The following TCF4 variants were observed in gnomAD, a reference collection of about 807,000 sequenced individuals.
TCF4 encodes the protein transcription factor 4, also known as SL3-3 enhancer factor 2.
TCF4 carries 3 observed loss-of-function variants against 82.1 expected under a neutral mutation model. That is an observed-to-expected ratio of 0.04 (90% CI 0.02 to 0.09). The LOEUF (loss-of-function observed/expected upper bound fraction) is 0.09, where lower values mean the gene tolerates loss of function less well. Ranked by LOEUF, TCF4 falls within the 10% of genes least tolerant of loss-of-function variation. TCF4 has a pLI of 1.00. For synonymous variants in TCF4, 276 were observed against 309.6 expected (o/e 0.89, Z 1.14); for missense variants, 518 against 852.7 (o/e 0.61, Z 4.89).
intron 6 of TCF4, among the ~76,000 whole-genome samples, chr18:55,399,967 C>G (rs1197381635): frequency 6.7e-6 from 1 of 149,860 alleles, no homozygotes; most frequent in African/African-American, 2.5e-5. Context: ...TGGGCTATAT[C>G]CCAGAAAGAA....
At chr18:55,292,581 T>A (rs1057218162) in intron 8 of TCF4, among the ~76,000 whole-genome samples, 3 of 152,196 alleles carry the variant, frequency 2.0e-5, no homozygotes, top group Non-Finnish European at 4.4e-5. Context: ...GAATGTTTCC[T>A]ATTTTTCTTT....
intron 4 of TCF4, among the ~76,000 whole-genome samples, chr18:55,463,097 T>C (rs916282005): frequency 5.3e-5 from 8 of 152,068 alleles, no homozygotes; most frequent in East Asian, 1.9e-4. Flanking sequence ...GCTTCATCTA[T>C]ATATATATAG....
At chr18:55,321,381 C>A in intron 8 of TCF4, 3 of 402,440 alleles carry the variant, frequency 7.5e-6, no homozygotes, top group Non-Finnish European at 9.0e-6. Context: ...AAAATCATAC[C>A]ACCTCTCAAC....
chr18:55,388,671 A>G (rs1309131074), intron 6 of TCF4, among the ~76,000 whole-genome samples: 1 of 152,178 alleles, frequency 6.6e-6, no homozygotes, highest in African/African-American at 2.4e-5. Flanking sequence ...TTGCTATGAC[A>G]CAAAGCTACA....
chr18:55,280,319 T>A (rs2146285377), intron 8 of TCF4, among the ~76,000 whole-genome samples: 1 of 152,300 alleles, frequency 6.6e-6, no homozygotes, highest in East Asian at 1.9e-4. Context: ...CTTATTATAT[T>A]TGTGTGTACA....
intron 6 of TCF4, among the ~76,000 whole-genome samples, chr18:55,392,156 C>T (rs1042986855): frequency 2.0e-5 from 3 of 150,550 alleles, no homozygotes; most frequent in African/African-American, 7.3e-5. Context: ...GTAGAGATGG[C>T]ATTTCGCCAT....
intron 8 of TCF4, among the ~76,000 whole-genome samples, chr18:55,317,275 G>A (rs1332765156): frequency 6.6e-6 from 1 of 151,774 alleles, no homozygotes; most frequent in Non-Finnish European, 1.5e-5. Flanking sequence ...GAACCAGTGG[G>A]GAATTTAAAA....
At chr18:55,347,709 CCTGATGAT>C (rs1434781657) in intron 8 of TCF4, among the ~76,000 whole-genome samples, 1 of 152,116 alleles carries the variant, frequency 6.6e-6, no homozygotes, top group Non-Finnish European at 1.5e-5. Flanking sequence ...ACAAATAATA[CCTGATGAT>C]GCAGTGTCAC....
chr18:55,463,021 T>A (rs937651364), intron 4 of TCF4, among the ~76,000 whole-genome samples: 1 of 152,164 alleles, frequency 6.6e-6, no homozygotes, highest in African/African-American at 2.4e-5. Flanking sequence ...TATGCCAAAA[T>A]GGAACCTTCC....
intron 3 of TCF4, among the ~76,000 whole-genome samples, chr18:55,562,719 A>T (rs966614231): frequency 6.6e-6 from 1 of 152,222 alleles, no homozygotes; most frequent in African/African-American, 2.4e-5. Context: ...TACTAAATGT[A>T]CTTGTATATG....
At chr18:55,632,648 C>A (rs1279115092) in intron 1 of TCF4, among the ~76,000 whole-genome samples, 1 of 152,138 alleles carries the variant, frequency 6.6e-6, no homozygotes, top group African/African-American at 2.4e-5. Context: ...TCAGCAGATG[C>A]CAGAGACAAT....
In TCF4 at chr18:55,495,547, A is replaced by G. The variant is rs528472460; in HGVS notation, c.146-31410T>C. ...ATTCTGTTCTACAGTTTAGTTATTA[A>G]AAGAAAAATGTGAAGCTAAAAATTC... On this transcript the variant is annotated intron_variant, in intron 3 of 19. Coordinates refer to ENST00000354452, the MANE Select transcript of TCF4 (RefSeq NM_001083962.2). The G allele has an allele frequency of 2.6e-5, 4 of 152,308 alleles. No homozygotes were observed. In the East Asian group the frequency reaches 7.7e-4, roughly 29 times the overall value. The allele number at this position is 152,308 out of a possible 1,614,324, so 9.4% of individuals were successfully genotyped here.
upstream of TCF4, chr18:55,589,713 A>G: frequency 2.3e-5 from 24 of 1,028,818 alleles, no homozygotes; most frequent in Non-Finnish European, 2.8e-5. Context: ...CATCATCATC[A>G]CCATGGACTC....
chr18:55,421,029 A>G (rs951438180), intron 5 of TCF4, among the ~76,000 whole-genome samples: 1 of 152,174 alleles, frequency 6.6e-6, no homozygotes, highest in African/African-American at 2.4e-5. Flanking sequence ...CTTACAGGTG[A>G]AATTCTACCA....
At chr18:55,244,789 T>C (rs1039870562) in intron 15 of TCF4, among the ~76,000 whole-genome samples, 54 of 152,278 alleles carry the variant, frequency 3.5e-4, no homozygotes, top group African/African-American at 1.2e-3. Flanking sequence ...TACAGAAACA[T>C]TACCCAGAGA....
intron 8 of TCF4, among the ~76,000 whole-genome samples, chr18:55,293,825 G>T (rs981524250): frequency 6.7e-6 from 1 of 149,800 alleles, no homozygotes. Context: ...GTCCAAACAG[G>T]ATTGTGTACT....
At chr18:55,378,415 G>A (rs2145791235) in intron 6 of TCF4, among the ~76,000 whole-genome samples, 1 of 152,246 alleles carries the variant, frequency 6.6e-6, no homozygotes, top group South Asian at 2.1e-4. Context: ...TGTTAATGAA[G>A]AAGGTGCTCA....
rs75877888 is a variant in TCF4, at chr18:55,616,877, C to T, written c.286+14421G>A. On this transcript the variant is annotated intron_variant, in intron 2 of 20. Transcript: ENST00000398339. ...TATATGGTTTGCAGACATTTTATAC[C>T]ATTTGGTAGGTTGCTTTTTCATTTT... Among the ~76,000 whole-genome samples, 379 of 152,010 alleles carry T rather than the reference C, an allele frequency of 2.5e-3. 3 individuals carry two copies. The highest frequency in any genetic ancestry group is 8.8e-3 in the African/African-American group (364 of 41,494).
At chr18:55,607,664 G>C (rs1030424468) in intron 2 of TCF4, among the ~76,000 whole-genome samples, 1 of 152,144 alleles carries the variant, frequency 6.6e-6, no homozygotes, top group South Asian at 2.1e-4. Flanking sequence ...TTAAAAATCA[G>C]AATAACTATA....
Sources: gnomAD v4.1 joint callset for allele counts (sites outside exome capture counted in the v4.1 genomes callset) on GRCh38, gnomAD v4.1.1 for gene constraint, MANE v1.5 for transcripts, NCBI Gene and HGNC (gene_info 2026-07-23, HGNC 2026-07-21) for gene names.